Variants in ASTN2 observed in about 807,000 individuals in gnomAD.
ASTN2 encodes astrotactin-2.
Under a neutral mutation model 139.8 loss-of-function variants are expected in ASTN2, and 54 were observed. The observed-to-expected ratio is 0.39, with a 90% CI of 0.31 to 0.48. The LOEUF is 0.48. Ranked by LOEUF, ASTN2 falls within the 20% of genes least tolerant of loss-of-function variation. The pLI is 0.95. For synonymous variants in ASTN2, 756 were observed against 719.5 expected, an observed-to-expected ratio of 1.05 and a Z score of -0.81; for missense variants, 1,565 against 1,725.1, an observed-to-expected ratio of 0.91 and a Z score of 1.64.
At chr9:116,583,864 A>G (rs1854045762) in intron 19 of ASTN2, 1 of 152,198 alleles carries the variant, frequency 6.6e-6, no homozygotes, top group Non-Finnish European at 1.5e-5. Flanking sequence ...CGACTCTTTT[A>G]GATGTAGAAG....
chr9:117,204,128 T>C (rs1029433365), intron 3 of ASTN2, among the ~76,000 whole-genome samples: 21 of 152,328 alleles, frequency 1.4e-4, no homozygotes, highest in African/African-American at 5.1e-4. Flanking sequence ...GAACAGGCAC[T>C]GTGGCCGCCT....
chr9:117,293,692 G>A (rs1834654033), intron 1 of ASTN2, among the ~76,000 whole-genome samples: 1 of 152,196 alleles, frequency 6.6e-6, no homozygotes, highest in Non-Finnish European at 1.5e-5. Context: ...CCCAGCCTTA[G>A]CACCCAAGGC....
At chr9:117,329,819 G>C (rs756605379) in intron 1 of ASTN2, among the ~76,000 whole-genome samples, 1 of 152,172 alleles carries the variant, frequency 6.6e-6, no homozygotes, top group Non-Finnish European at 1.5e-5. Flanking sequence ...TCCAGGAACT[G>C]GGCTTGACAC....
intron 3 of ASTN2, among the ~76,000 whole-genome samples, chr9:117,160,626 T>C (rs750748630): frequency 3.9e-5 from 6 of 152,068 alleles, no homozygotes; most frequent in Admixed American, 6.6e-5. Flanking sequence ...AAATGTATGC[T>C]AAATGAATAT....
chr9:117,321,379 C>A (rs10983618), intron 1 of ASTN2, among the ~76,000 whole-genome samples: 12,450 of 152,212 alleles, frequency 0.082, 680 homozygotes, highest in Non-Finnish European at 0.11. Context: ...CTCTCTCTGG[C>A]CTTCCCAACC....
intron 2 of ASTN2, among the ~76,000 whole-genome samples, chr9:117,262,327 TTATTAA>T (rs1833841853): frequency 1.3e-5 from 2 of 152,176 alleles, no homozygotes; most frequent in Non-Finnish European, 2.9e-5. Flanking sequence ...CACTTTGTGG[TTATTAA>T]TTTCATCTCC....
chr9:116,496,590 A>G (rs73522426), intron 19 of ASTN2, among the ~76,000 whole-genome samples: 7,849 of 152,254 alleles, frequency 0.052, 634 homozygotes, highest in African/African-American at 0.18. Context: ...TTTGGCTGGA[A>G]GTCGGGGAGA....
chr9:116,783,058 C>G (rs1830261624), intron 13 of ASTN2, among the ~76,000 whole-genome samples: 1 of 152,150 alleles, frequency 6.6e-6, no homozygotes. Flanking sequence ...GGACAACAGT[C>G]AAACTAGACT....
In ASTN2 at chr9:117,254,651, T is replaced by C. The variant is rs367944532; in HGVS notation, c.630+36675A>G. On this transcript the variant is annotated intron_variant, in intron 2 of 22. Coordinates refer to ENST00000313400, the MANE Select transcript of ASTN2 (RefSeq NM_001365068.1). ...TCCCATTGGGGCCCACAATAATAAA[T>C]ACAGACAGTTGTATATATGTGTATA... is the stretch of plus-strand genomic sequence containing the variant. Among the ~76,000 whole-genome samples, 91 of 152,308 alleles carry C rather than the reference T, an allele frequency of 6.0e-4. No individual in the cohort carries two copies. In the South Asian group the frequency reaches 0.016, roughly 26 times the overall value.
chr9:116,508,153 A>T, intron 19 of ASTN2, among the ~76,000 whole-genome samples: 1 of 152,186 alleles, frequency 6.6e-6, no homozygotes, highest in Non-Finnish European at 1.5e-5. Flanking sequence ...GGCCTCCCAA[A>T]GTGCTTGGAT....
intron 17 of ASTN2, among the ~76,000 whole-genome samples, chr9:116,650,918 CTT>C (rs753094674): frequency 3.9e-4 from 55 of 142,130 alleles, no homozygotes; most frequent in Non-Finnish European, 3.9e-4. Flanking sequence ...CCCTGCACTA[CTT>C]TTTTTTTTTT....
At chr9:117,390,548 C>G (rs1830514195) in intron 1 of ASTN2, among the ~76,000 whole-genome samples, 1 of 152,172 alleles carries the variant, frequency 6.6e-6, no homozygotes, top group African/African-American at 2.4e-5. Flanking sequence ...TTTCTTGTCT[C>G]CATAGTCTTG....
At chr9:117,347,234 G>A (rs903166739) in intron 1 of ASTN2, among the ~76,000 whole-genome samples, 5 of 152,018 alleles carry the variant, frequency 3.3e-5, no homozygotes, top group Non-Finnish European at 5.9e-5. Context: ...AATGACTAAT[G>A]GACTTTGTGG....
At chr9:116,454,884 TGTC>T (rs1275098349) in intron 20 of ASTN2, among the ~76,000 whole-genome samples, 1 of 152,094 alleles carries the variant, frequency 6.6e-6, no homozygotes. Context: ...CACTGGGGCC[TGTC>T]GTGGTGTGGG....
At chr9:116,813,123 C>T (rs1414828734) in intron 12 of ASTN2, among the ~76,000 whole-genome samples, 1 of 149,688 alleles carries the variant, frequency 6.7e-6, no homozygotes, top group Non-Finnish European at 1.5e-5. Context: ...AGTGTAGGCT[C>T]ACAGGAAACC....
At chr9:116,845,384 TA>T in intron 11 of ASTN2, among the ~76,000 whole-genome samples, 1 of 152,276 alleles carries the variant, frequency 6.6e-6, no homozygotes, top group Non-Finnish European at 1.5e-5. Flanking sequence ...CTCCCAAACG[TA>T]CCATTCCTTT....
At chr9:117,080,884 T>C (rs1049533198) in intron 5 of ASTN2, among the ~76,000 whole-genome samples, 2 of 152,168 alleles carry the variant, frequency 1.3e-5, no homozygotes, top group African/African-American at 4.8e-5. Flanking sequence ...GTGTATTAAA[T>C]GAATAAAAGC....
chr9:117,177,165 C>T (rs1189188536), intron 3 of ASTN2, among the ~76,000 whole-genome samples: 2 of 152,034 alleles, frequency 1.3e-5, no homozygotes, highest in Non-Finnish European at 2.9e-5. Context: ...TCACCCAGAC[C>T]CTCTATGAAA....
At chr9:117,140,981 A>T (rs954841688) in intron 4 of ASTN2, among the ~76,000 whole-genome samples, 1 of 152,178 alleles carries the variant, frequency 6.6e-6, no homozygotes, top group African/African-American at 2.4e-5. Context: ...CTCCTACTAG[A>T]ATGTTCTGCC....
Sources: gnomAD v4.1 joint callset for allele counts (sites outside exome capture counted in the v4.1 genomes callset) on GRCh38, gnomAD v4.1.1 for gene constraint, MANE v1.5 for transcripts, NCBI Gene and HGNC (gene_info 2026-07-23, HGNC 2026-07-21) for gene names.